Variants in SH2D4B observed in about 807,000 individuals in gnomAD.
The protein encoded by SH2D4B is SH2 domain-containing protein 4B.
In SH2D4B, 45 loss-of-function variants were observed where a neutral mutation model predicts 61.5. The observed-to-expected ratio is 0.73, with a 90% CI of 0.58 to 0.94. SH2D4B has a LOEUF of 0.94. Among genes scored for constraint, SH2D4B ranks in the 40% least tolerant of loss-of-function variants. The probability of loss-of-function intolerance (pLI) is 0.00; values close to 1 mark genes in which losing one functional copy is unlikely to be tolerated. For synonymous variants in SH2D4B, 224 were observed against 220.4 expected, an observed-to-expected ratio of 1.02 and a Z score of -0.14; for missense variants, 572 against 574.2, an observed-to-expected ratio of 1.00 and a Z score of 0.04.
intron 6 of SH2D4B, among the ~76,000 whole-genome samples, chr10:80,622,791 A>G (rs148808284): frequency 6.6e-6 from 1 of 152,258 alleles, no homozygotes; most frequent in East Asian, 1.9e-4. Context: ...TTTCTCCTGT[A>G]TAGACATTGG....
chr10:80,588,872 C>A (rs928588152), intron 4 of SH2D4B, 95 bp downstream of exon 4: 2 of 1,454,228 alleles, frequency 1.4e-6, no homozygotes, highest in African/African-American at 1.4e-5. Context: ...TTTCCATTCG[C>A]TCACTCACCC....
At chr10:80,618,969 A>G (rs1015559453) in intron 6 of SH2D4B, among the ~76,000 whole-genome samples, 2 of 152,232 alleles carry the variant, frequency 1.3e-5, no homozygotes, top group Admixed American at 6.5e-5. Context: ...GTCTTCTGAA[A>G]GTATACTTAC....
intron 6 of SH2D4B, among the ~76,000 whole-genome samples, chr10:80,627,066 A>G (rs547421360): frequency 1.3e-5 from 2 of 152,324 alleles, no homozygotes; most frequent in African/African-American, 2.4e-5. Flanking sequence ...TGGCTGTGAC[A>G]TAAGCGTCTC....
Position 80,585,733 on chromosome 10 carries a change from G to A in SH2D4B, c.496-2897G>A, listed in dbSNP as rs1311118194. 2.0e-5 allele frequency among the ~76,000 whole-genome samples: 3 copies of A among 152,278 alleles called. No individual in the cohort carries two copies. The East Asian group carries it at 5.8e-4, about 29-fold the overall frequency. ...CGTGCTAGCAGCCCTCACAGCCCTCGCTCACTCTGGGCACCTCCTCTGCCT... is the reference window on the plus strand; with the variant it reads ...CGTGCTAGCAGCCCTCACAGCCCTCACTCACTCTGGGCACCTCCTCTGCCT... On this transcript the variant is annotated intron_variant, in intron 3 of 7. Coordinates refer to ENST00000646907, the MANE Select transcript of SH2D4B (RefSeq NM_001388272.1).
At chr10:80,546,980 A>G (rs1469322195) in intron 1 of SH2D4B, among the ~76,000 whole-genome samples, 2 of 152,222 alleles carry the variant, frequency 1.3e-5, no homozygotes, top group Non-Finnish European at 2.9e-5. Context: ...TGGTAACCTC[A>G]GATTTTAGTT....
chr10:80,642,620 A>T (rs1043397748), intron 7 of SH2D4B, among the ~76,000 whole-genome samples: 2 of 152,210 alleles, frequency 1.3e-5, no homozygotes, highest in African/African-American at 4.8e-5. Flanking sequence ...TGTAAATGCC[A>T]TGTGGAATTC....
chr10:80,631,487 G>A (rs553327041), intron 6 of SH2D4B, among the ~76,000 whole-genome samples: 1 of 152,290 alleles, frequency 6.6e-6, no homozygotes, highest in African/African-American at 2.4e-5. Flanking sequence ...GGGCTCAAGC[G>A]ATCCTCCCAC....
At chr10:80,556,291 A>T (rs1841836777) in intron 1 of SH2D4B, among the ~76,000 whole-genome samples, 1 of 152,176 alleles carries the variant, frequency 6.6e-6, no homozygotes, top group African/African-American at 2.4e-5. Context: ...TTGATTGTGT[A>T]TGTCTACTCT....
At chr10:80,589,674 G>A (rs577038079) in intron 4 of SH2D4B, among the ~76,000 whole-genome samples, 47 of 152,330 alleles carry the variant, frequency 3.1e-4, no homozygotes, top group African/African-American at 1.1e-3. Flanking sequence ...TAGACTAAGG[G>A]CTTGAAGGGA....
chr10:80,589,679 A>G (rs988048384), intron 4 of SH2D4B, among the ~76,000 whole-genome samples: 1 of 152,194 alleles, frequency 6.6e-6, no homozygotes, highest in African/African-American at 2.4e-5. Flanking sequence ...TAAGGGCTTG[A>G]AGGGAGGATG....
chr10:80,608,008 C>T (rs60414438), intron 5 of SH2D4B, among the ~76,000 whole-genome samples: 6,082 of 152,222 alleles, frequency 0.04, 362 homozygotes, highest in African/African-American at 0.13. Flanking sequence ...GCGATTCTCC[C>T]GCCTCAGCCT....
chr10:80,547,643 G>A (rs915582334), intron 1 of SH2D4B, among the ~76,000 whole-genome samples: 3 of 152,116 alleles, frequency 2.0e-5, no homozygotes, highest in African/African-American at 7.2e-5. Context: ...TACCATTAGT[G>A]CCCCATTTCT....
intron 1 of SH2D4B, chr10:80,541,012 G>A (rs887268627): frequency 2.1e-5 from 22 of 1,036,748 alleles, no homozygotes; most frequent in African/African-American, 4.7e-5. Flanking sequence ...CAGAATGATA[G>A]GAAAGGCAAG....
chr10:80,595,271 A>T (rs1842372767), intron 4 of SH2D4B, among the ~76,000 whole-genome samples: 1 of 152,174 alleles, frequency 6.6e-6, no homozygotes, highest in South Asian at 2.1e-4. Flanking sequence ...TGCAAGCCTC[A>T]TCTCTCAACC....
chr10:80,545,237 G>A (rs1332759865), intron 1 of SH2D4B, among the ~76,000 whole-genome samples: 1 of 152,104 alleles, frequency 6.6e-6, no homozygotes, highest in Non-Finnish European at 1.5e-5. Flanking sequence ...CCGTAGCCAT[G>A]AATGGTCACT....
chr10:80,608,086 G>A (rs1842541510), intron 5 of SH2D4B, among the ~76,000 whole-genome samples: 1 of 152,126 alleles, frequency 6.6e-6, no homozygotes, highest in Admixed American at 6.6e-5. Flanking sequence ...TAGTAGAGAT[G>A]GGGTTTCACC....
chr10:80,571,339 A>G, intron 2 of SH2D4B, 92 bp from the exon 3 acceptor site: 1 of 1,451,254 alleles, frequency 6.9e-7, no homozygotes, highest in South Asian at 1.4e-5. Flanking sequence ...TAGACCAAGG[A>G]AAAATTGCTC....
intron 1 of SH2D4B, chr10:80,540,838 C>A: frequency 6.4e-7 from 1 of 1,550,980 alleles, no homozygotes; most frequent in Non-Finnish European, 8.7e-7. Context: ...GTGCCGTGTC[C>A]CAGGGCGGGA....
intron 3 of SH2D4B, among the ~76,000 whole-genome samples, chr10:80,586,167 G>A (rs1453337255): frequency 1.3e-5 from 2 of 152,116 alleles, no homozygotes; most frequent in Non-Finnish European, 2.9e-5. Context: ...CCTCCTCCAT[G>A]GGCTCCTGTG....
Sources: gnomAD v4.1 joint callset for allele counts (sites outside exome capture counted in the v4.1 genomes callset) on GRCh38, gnomAD v4.1.1 for gene constraint, MANE v1.5 for transcripts, NCBI Gene and HGNC (gene_info 2026-07-23, HGNC 2026-07-21) for gene names.